Variants in STAC observed in about 807,000 individuals in gnomAD.
STAC encodes the protein SH3 and cysteine rich domain, also known as SH3 and cysteine-rich domain-containing protein.
A neutral mutation model predicts 48.8 loss-of-function variants in STAC; 43 were observed. The observed-to-expected ratio is 0.88, with a 90% CI of 0.69 to 1.14. The LOEUF is 1.14. Ranked by LOEUF, STAC falls within the 50% of genes most tolerant of loss-of-function variation. The pLI is 0.00. For synonymous variants in STAC, 193 were observed against 179.5 expected (o/e 1.07, Z -0.60); for missense variants, 497 against 504.0 (o/e 0.99, Z 0.13).
chr3:36,460,147 C>G (rs879874595), intron 2 of STAC, among the ~76,000 whole-genome samples: 2 of 151,990 alleles, frequency 1.3e-5, no homozygotes, highest in Non-Finnish European at 2.9e-5. Context: ...TACCTGTGTT[C>G]AGATCTCATC....
At chr3:36,407,431 AGAAG>A (rs1217235127) in intron 1 of STAC, among the ~76,000 whole-genome samples, 3 of 152,318 alleles carry the variant, frequency 2.0e-5, no homozygotes, top group Admixed American at 1.3e-4. Flanking sequence ...CCCATAAATG[AGAAG>A]TGCCAAAATT....
At chr3:36,466,158 T>C (rs997964009) in intron 2 of STAC, among the ~76,000 whole-genome samples, 1 of 152,160 alleles carries the variant, frequency 6.6e-6, no homozygotes, top group Admixed American at 6.5e-5. Context: ...ATAGGATGTC[T>C]TTTCTCCACT....
At chr3:36,430,966 C>T (rs1700685738) in intron 1 of STAC, among the ~76,000 whole-genome samples, 1 of 152,202 alleles carries the variant, frequency 6.6e-6, no homozygotes, top group African/African-American at 2.4e-5. Context: ...GGGATTAAGG[C>T]ATCAACATAA....
chr3:36,394,247 A>G (rs752121143), intron 1 of STAC, among the ~76,000 whole-genome samples: 5 of 152,214 alleles, frequency 3.3e-5, no homozygotes, highest in Non-Finnish European at 5.9e-5. Flanking sequence ...AACACTAGCC[A>G]TATTTCAAGT....
intron 1 of STAC, among the ~76,000 whole-genome samples, chr3:36,423,410 A>G (rs1490254764): frequency 6.6e-6 from 1 of 151,626 alleles, no homozygotes; most frequent in African/African-American, 2.4e-5. Context: ...ATGAAATATT[A>G]GGCTTCAATA....
chr3:36,532,041 A>T (rs1007712845), intron 10 of STAC, among the ~76,000 whole-genome samples: 1 of 152,180 alleles, frequency 6.6e-6, no homozygotes, highest in Non-Finnish European at 1.5e-5. Context: ...TAATAACATA[A>T]AGGTACACAG....
At chr3:36,540,334 G>C (rs1409132835) in intron 10 of STAC, among the ~76,000 whole-genome samples, 1 of 152,102 alleles carries the variant, frequency 6.6e-6, no homozygotes, top group Non-Finnish European at 1.5e-5. Context: ...ATTTATTGTA[G>C]CAACAACAGG....
intron 2 of STAC, among the ~76,000 whole-genome samples, chr3:36,465,449 A>T (rs961331837): frequency 6.6e-6 from 1 of 152,142 alleles, no homozygotes; most frequent in African/African-American, 2.4e-5. Context: ...GCTGTGAAGA[A>T]GCTTTTTAGT....
At chr3:36,457,071 C>T (rs547488674) in intron 2 of STAC, among the ~76,000 whole-genome samples, 14 of 152,104 alleles carry the variant, frequency 9.2e-5, no homozygotes, top group Non-Finnish European at 1.9e-4. Flanking sequence ...CTCAAACCTC[C>T]GGTAACTAAC....
chr3:36,390,883 T>C (rs1699740429), intron 1 of STAC, among the ~76,000 whole-genome samples: 1 of 152,214 alleles, frequency 6.6e-6, no homozygotes, highest in Admixed American at 6.5e-5. Flanking sequence ...TTTTCCATTA[T>C]TAAATTCTAT....
intron 1 of STAC, among the ~76,000 whole-genome samples, chr3:36,384,459 T>A (rs1699575282): frequency 6.6e-6 from 1 of 152,174 alleles, no homozygotes; most frequent in Non-Finnish European, 1.5e-5. Flanking sequence ...GTAATACACC[T>A]AATATGTTTG....
At chr3:36,465,661 C>T (rs1697148337) in intron 2 of STAC, among the ~76,000 whole-genome samples, 1 of 152,056 alleles carries the variant, frequency 6.6e-6, no homozygotes, top group African/African-American at 2.4e-5. Flanking sequence ...TACATGATCA[C>T]AAGGTCCCAC....
At chr3:36,530,270 G>A (rs1240407828) in intron 10 of STAC, among the ~76,000 whole-genome samples, 2 of 152,152 alleles carry the variant, frequency 1.3e-5, no homozygotes, top group African/African-American at 4.8e-5. Context: ...ATGAATGCCT[G>A]AAGTTGAAAT....
At position 36,486,228 on chromosome 3, in the gene STAC, T is replaced by C. The variant is rs45549732; in HGVS notation, c.666T>C (p.Ser222=). 0.02 allele frequency: 31,513 copies of C among 1,613,840 alleles called. 370 individuals are homozygous for C. Among genetic ancestry groups the C allele is most frequent in the Non-Finnish European group, 0.022 (26,371 of 1,179,810 alleles). Reference sequence around the variant, plus strand: ...AGAAGGGCAGCTCCGGCAGTGGCTCTGACTCACCTCACAGAACCTCTGTAA... The same window carrying C: ...AGAAGGGCAGCTCCGGCAGTGGCTCCGACTCACCTCACAGAACCTCTGTAA... ...RTKKGSSGSG[S]DSPHRTSTSD... is the part of the protein sequence containing the mutation. Residue 222 remains serine, a synonymous_variant, in exon 5 of 11, where the codon TCT becomes TCC. Transcript: ENST00000273183.
intron 1 of STAC, among the ~76,000 whole-genome samples, chr3:36,383,199 A>G (rs1231417740): frequency 6.6e-6 from 1 of 152,202 alleles, no homozygotes; most frequent in African/African-American, 2.4e-5. Context: ...TTGAGCGAGA[A>G]CAATAGTGAG....
chr3:36,392,082 G>A lies in STAC; in HGVS notation c.111+11328G>A, dbSNP rs1575170694. ...TTTTATCAGAACAAGGTGACTTGGA[G>A]ACCTTGGAAAAGATTCCCATCACAC... On this transcript the variant is annotated intron_variant, in intron 1 of 10. Transcript: ENST00000273183. Among the ~76,000 whole-genome samples the A allele has an allele frequency of 2.6e-5, 4 of 152,202 alleles. No homozygotes were observed. The South Asian group carries it at 8.3e-4, about 32-fold the overall frequency.
chr3:36,526,372 A>G (rs565999461), intron 8 of STAC, among the ~76,000 whole-genome samples: 3 of 152,318 alleles, frequency 2.0e-5, no homozygotes, highest in South Asian at 4.1e-4. Flanking sequence ...GCTTTGGCCA[A>G]TGAAATGAAG....
chr3:36,415,291 C>T (rs1485498025), intron 1 of STAC, among the ~76,000 whole-genome samples: 1 of 152,192 alleles, frequency 6.6e-6, no homozygotes. Context: ...GGCAGGCAGG[C>T]CTCCTTGAGC....
chr3:36,454,654 G>A (rs1173573215), intron 2 of STAC, among the ~76,000 whole-genome samples: 4 of 152,106 alleles, frequency 2.6e-5, no homozygotes, highest in Non-Finnish European at 4.4e-5. Context: ...CAAGTGGCAA[G>A]AGAACATCTT....
Sources: allele counts gnomAD v4.1 joint callset (sites outside exome capture counted in the v4.1 genomes callset), GRCh38; gene constraint gnomAD v4.1.1; transcripts MANE v1.5; gene names NCBI Gene and HGNC (gene_info 2026-07-23, HGNC 2026-07-21).